Variants in HS6ST2 observed in about 807,000 individuals in gnomAD.
HS6ST2 encodes the protein heparan sulfate 6-O-sulfotransferase 2, also known as heparan-sulfate 6-O-sulfotransferase 2.
A neutral mutation model predicts 33.0 loss-of-function variants in HS6ST2; 17 were observed. The ratio of observed to expected loss-of-function variants is 0.52; its 90% confidence interval spans 0.35 to 0.77. The LOEUF (loss-of-function observed/expected upper bound fraction) is 0.77. Among genes scored for constraint, HS6ST2 ranks in the 30% least tolerant of loss-of-function variants. The pLI, the probability that HS6ST2 is intolerant of heterozygous loss-of-function variation, is 0.01. For missense variants in HS6ST2, 519 were observed against 551.7 expected (o/e 0.94, Z 0.59); for synonymous variants, 248 against 237.1 (o/e 1.05, Z -0.42).
chrX:132,770,845 A>C (rs2064891620), intron 2 of HS6ST2, among the ~76,000 whole-genome samples: 1 of 111,996 alleles, frequency 8.9e-6, no homozygotes, highest in Non-Finnish European at 1.9e-5. Context: ...ATACCCTTAC[A>C]AATGATGTTC....
chrX:132,636,848 A>G (rs2063553501), intron 4 of HS6ST2, among the ~76,000 whole-genome samples: 1 of 112,065 alleles, frequency 8.9e-6, no homozygotes, highest in Non-Finnish European at 1.9e-5. Flanking sequence ...TCTTACACCA[A>G]CTACATAGCC....
At chrX:132,867,270 G>C (rs1833813879) in intron 2 of HS6ST2, among the ~76,000 whole-genome samples, 1 of 106,874 alleles carries the variant, frequency 9.4e-6, no homozygotes, top group Non-Finnish European at 1.9e-5. Flanking sequence ...CTGTTTATAT[G>C]CTGGATTACA....
rs766797231 is a variant in HS6ST2 at position 132,882,896 on chromosome X, G to T, written c.947+73912C>A. Reference sequence around the variant, plus strand: ...CTACTGAGATAATCATGTGGTTTTTGTCTTTGGGACTGTTTATATGCTGGA... The same window carrying T: ...CTACTGAGATAATCATGTGGTTTTTTTCTTTGGGACTGTTTATATGCTGGA... On this transcript the variant is annotated intron_variant, in intron 2 of 4. Coordinates refer to ENST00000370833, the MANE Select transcript of HS6ST2 (RefSeq NM_001394073.1). Among the ~76,000 whole-genome samples the T allele has an allele frequency of 2.7e-3, 305 of 111,575 alleles. 3 individuals are homozygous for T. Among genetic ancestry groups the T allele is most frequent in the African/African-American group, 9.4e-3 (290 of 30,747 alleles).
intron 2 of HS6ST2, among the ~76,000 whole-genome samples, chrX:132,727,827 T>A (rs748753560): frequency 9.0e-6 from 1 of 111,557 alleles, no homozygotes; most frequent in African/African-American, 3.3e-5. Flanking sequence ...GGCAATCATC[T>A]GTTTTCTGTC....
chrX:132,888,397 A>G (rs1161639617), intron 2 of HS6ST2, among the ~76,000 whole-genome samples: 2 of 111,725 alleles, frequency 1.8e-5, no homozygotes, highest in Non-Finnish European at 3.8e-5. Context: ...TCACTGTCAC[A>G]AGAACAGCAC....
In HS6ST2 at chrX:132,782,692, G is replaced by A. The variant is rs146670687; in HGVS notation, c.948-74198C>T. Among the ~76,000 whole-genome samples, 88 of 111,417 alleles carry A rather than the reference G, an allele frequency of 7.9e-4. 2 individuals carry two copies. In the East Asian group the frequency reaches 0.024, roughly 31 times the overall value. On this transcript the variant is annotated intron_variant, in intron 2 of 4. Transcript: ENST00000370833. ...GGATAAGCCTGAAGCTTAGGAGAGA[G>A]GTCAGGACTGCAGAGGTAGATTTGA...
intron 4 of HS6ST2, among the ~76,000 whole-genome samples, chrX:132,632,299 G>T (rs1247791372): frequency 2.7e-5 from 3 of 111,402 alleles, no homozygotes; most frequent in Non-Finnish European, 5.7e-5. Flanking sequence ...AATATTCCAT[G>T]TGTAGAAAGA....
rs771654622 is a variant in HS6ST2, at chrX:132,643,806, A to T, written c.1068-14713T>A. 4.5e-5 allele frequency among the ~76,000 whole-genome samples: 5 copies of T among 112,135 alleles called. No individual in the cohort carries two copies. In the East Asian group the frequency reaches 1.4e-3, roughly 32 times the overall value. On this transcript the variant is annotated intron_variant, in intron 4 of 4. Coordinates refer to ENST00000370833, the MANE Select transcript of HS6ST2 (RefSeq NM_001394073.1). ...AAAAAAGGACTCAAAGTCAATGCTC[A>T]CATTAAGACAGATGCCTGACCCTGA...
chrX:132,836,678 A>C (rs1288372289), intron 2 of HS6ST2, among the ~76,000 whole-genome samples: 2 of 112,946 alleles, frequency 1.8e-5, no homozygotes, highest in African/African-American at 6.4e-5. Flanking sequence ...AGCTGGACTT[A>C]TCTGTATCCC....
At chrX:132,707,420 C>T (rs1040268594) in intron 3 of HS6ST2, among the ~76,000 whole-genome samples, 10 of 112,543 alleles carry the variant, frequency 8.9e-5, no homozygotes, top group African/African-American at 3.2e-4. Flanking sequence ...TTACTATTCT[C>T]AGCTGTCAAG....
chrX:132,683,168 A>G (rs2063987653), intron 3 of HS6ST2, among the ~76,000 whole-genome samples: 1 of 110,007 alleles, frequency 9.1e-6, no homozygotes, highest in Non-Finnish European at 1.9e-5. Context: ...TCCCTTAAGG[A>G]CTCTTTCTCT....
intron 2 of HS6ST2, among the ~76,000 whole-genome samples, chrX:132,909,140 A>C (rs747759580): frequency 4.6e-4 from 51 of 111,493 alleles, no homozygotes; most frequent in Non-Finnish European, 1.1e-4. Context: ...GGTAGCTATG[A>C]GGTGTTACAG....
chrX:132,937,466 CACA>C (rs1239772004), intron 2 of HS6ST2, among the ~76,000 whole-genome samples: 1 of 111,653 alleles, frequency 9.0e-6, no homozygotes, highest in African/African-American at 3.3e-5. Flanking sequence ...TTATAGTAAC[CACA>C]ACAACATGAC....
intron 2 of HS6ST2, among the ~76,000 whole-genome samples, chrX:132,779,681 A>T (rs2065000868): frequency 9.2e-6 from 1 of 109,147 alleles, no homozygotes; most frequent in African/African-American, 3.5e-5. Context: ...CTCCCCTGCC[A>T]CGTCCAGAAC....
intron 2 of HS6ST2, among the ~76,000 whole-genome samples, chrX:132,741,026 G>T (rs889103666): frequency 1.8e-5 from 2 of 111,851 alleles, no homozygotes; most frequent in African/African-American, 6.5e-5. Flanking sequence ...ACCTTTTTGT[G>T]CTTGAAAAGG....
At position 132,669,136 on chromosome X, in the gene HS6ST2, G is replaced by A. The variant is rs766627984; in HGVS notation, c.1044C>T (p.Thr348=). 6.6e-6 allele frequency: 8 copies of A among 1,205,507 alleles called. No homozygotes were observed. The East Asian group carries it at 2.4e-4, about 36-fold the overall frequency. Residue 348 remains threonine, a synonymous_variant, in exon 4 of 5, where the codon ACC becomes ACT. Transcript: ENST00000370833. ...ACTTCCCACTCTTAGATGTGTTCCGGGTCTTTGTGGATGACGGAGAGTTGG... is the reference window on the plus strand; with the variant it reads ...ACTTCCCACTCTTAGATGTGTTCCGAGTCTTTGTGGATGACGGAGAGTTGG... ...AGANSPSSTK[T]RNTSKSGKNF...
chrX:132,958,886 C>T, upstream of HS6ST2: 1 of 321,497 alleles, frequency 3.1e-6, no homozygotes, highest in Non-Finnish European at 5.4e-6. Context: ...GGTAAGTCAG[C>T]ATGATAAAAA....
At chrX:132,862,790 G>T (rs145559500) in intron 2 of HS6ST2, among the ~76,000 whole-genome samples, 152 of 112,118 alleles carry the variant, frequency 1.4e-3, no homozygotes, top group Non-Finnish European at 2.3e-3. Context: ...TTCATGGAAA[G>T]CACTTAGTAC....
At chrX:132,768,967 C>T (rs367596969) in intron 2 of HS6ST2, among the ~76,000 whole-genome samples, 6 of 112,333 alleles carry the variant, frequency 5.3e-5, no homozygotes, top group South Asian at 3.7e-4. Flanking sequence ...AGTGCCTGTA[C>T]GAATCATCCA....
Sources: gnomAD v4.1 joint callset for allele counts (sites outside exome capture counted in the v4.1 genomes callset) on GRCh38, gnomAD v4.1.1 for gene constraint, MANE v1.5 for transcripts, NCBI Gene and HGNC (gene_info 2026-07-23, HGNC 2026-07-21) for gene names.